Variants in WWOX observed in about 807,000 individuals in gnomAD.
WWOX encodes WW domain-containing oxidoreductase.
Under a neutral mutation model 46.2 loss-of-function variants are expected in WWOX, and 69 were observed. That is an observed-to-expected ratio of 1.49 (90% CI 1.23 to 1.82). The LOEUF (loss-of-function observed/expected upper bound fraction) is 1.82. WWOX is among the 40% of genes most tolerant of loss of function. The pLI is 0.00. For missense variants in WWOX, 919 were observed against 542.6 expected (o/e 1.69, Z -6.89); for synonymous variants, 359 against 202.6 (o/e 1.77, Z -6.56).
intron 8 of WWOX, among the ~76,000 whole-genome samples, chr16:79,137,591 G>C (rs1389346550): frequency 6.6e-6 from 1 of 152,096 alleles, no homozygotes; most frequent in East Asian, 1.9e-4. Flanking sequence ...TGTTTGTTTT[G>C]AACATGTTCA....
intron 8 of WWOX, among the ~76,000 whole-genome samples, chr16:78,720,249 T>G (rs1331275183): frequency 6.6e-6 from 1 of 151,428 alleles, no homozygotes; most frequent in African/African-American, 2.5e-5. Flanking sequence ...ACTTGAAGAT[T>G]ATGTGCGCGT....
chr16:78,265,358 G>T (rs2151841074), intron 5 of WWOX, among the ~76,000 whole-genome samples: 1 of 152,254 alleles, frequency 6.6e-6, no homozygotes, highest in East Asian at 1.9e-4. Context: ...GAATCATGAT[G>T]AAAAGTTGGG....
intron 8 of WWOX, chr16:78,526,145 G>C (rs922011020): frequency 1.3e-5 from 2 of 152,254 alleles, no homozygotes; most frequent in Non-Finnish European, 2.9e-5. Flanking sequence ...AAGAAAGTGA[G>C]ATCAGAGATC....
At chr16:78,963,208 C>T (rs989997619) in intron 8 of WWOX, among the ~76,000 whole-genome samples, 8 of 152,178 alleles carry the variant, frequency 5.3e-5, no homozygotes, top group Admixed American at 2.0e-4. Context: ...GTGGCTCACA[C>T]CTGTAATACC....
chr16:78,845,988 A>G (rs1285081459), intron 8 of WWOX, among the ~76,000 whole-genome samples: 1 of 152,156 alleles, frequency 6.6e-6, no homozygotes, highest in East Asian at 1.9e-4. Flanking sequence ...TCCAGTCTGA[A>G]CCAATTCTAA....
At chr16:79,022,984 T>A (rs925524505) in intron 8 of WWOX, among the ~76,000 whole-genome samples, 1 of 152,042 alleles carries the variant, frequency 6.6e-6, no homozygotes, top group Non-Finnish European at 1.5e-5. Context: ...AATAAGATAA[T>A]GTAAATAGAG....
At chr16:78,430,319 T>C (rs2083185262) in intron 7 of WWOX, among the ~76,000 whole-genome samples, 1 of 152,086 alleles carries the variant, frequency 6.6e-6, no homozygotes, top group African/African-American at 2.4e-5. Flanking sequence ...CAGTGTGAGA[T>C]TTGGGTGGGG....
chr16:78,792,518 C>T (rs1038958706), intron 8 of WWOX, among the ~76,000 whole-genome samples: 4 of 152,140 alleles, frequency 2.6e-5, no homozygotes, highest in Non-Finnish European at 5.9e-5. Flanking sequence ...GTCTGCACGG[C>T]AGAGGGCATG....
At chr16:78,980,475 T>C (rs1205904091) in intron 8 of WWOX, among the ~76,000 whole-genome samples, 1 of 152,256 alleles carries the variant, frequency 6.6e-6, no homozygotes, top group Non-Finnish European at 1.5e-5. Context: ...TCACAATTAA[T>C]TGTGCCGCAG....
intron 8 of WWOX, among the ~76,000 whole-genome samples, chr16:78,548,295 T>C (rs1156936783): frequency 6.6e-6 from 1 of 152,064 alleles, no homozygotes; most frequent in Non-Finnish European, 1.5e-5. Context: ...TTGGATCCCA[T>C]TAATTGCATT....
intron 8 of WWOX, among the ~76,000 whole-genome samples, chr16:78,858,101 G>T (rs1444461024): frequency 1.3e-5 from 2 of 151,590 alleles, no homozygotes; most frequent in Non-Finnish European, 2.9e-5. Context: ...AAGGAAAAAT[G>T]AAAGAAATTA....
At chr16:78,108,363 G>T (rs1438054399) in intron 1 of WWOX, 60 bp from the exon 2 acceptor site, 4 of 1,533,006 alleles carry the variant, frequency 2.6e-6, no homozygotes, top group Non-Finnish European at 3.6e-6. Flanking sequence ...TAATACAATT[G>T]ATTACTTTTT....
intron 8 of WWOX, among the ~76,000 whole-genome samples, chr16:78,623,142 C>A (rs1025003828): frequency 1.3e-5 from 2 of 151,794 alleles, no homozygotes; most frequent in Non-Finnish European, 2.9e-5. Context: ...ATGGTAAGAC[C>A]CTGGATGGAG....
rs74029963 is a variant in WWOX at position 78,751,259 on chromosome 16, T to C, written c.1056+318507T>C. 7.1e-3 allele frequency among the ~76,000 whole-genome samples: 1,072 copies of C among 151,812 alleles called. 9 individuals carry two copies. The highest frequency in any genetic ancestry group is 0.024 in the African/African-American group (1,010 of 41,440). ...GTTAGAAGAAGATATGAGATAAATA[T>C]ACCTGGAAACTTTATGAATTATTTC... On this transcript the variant is annotated intron_variant, in intron 8 of 8. Coordinates refer to ENST00000566780, the MANE Select transcript of WWOX (RefSeq NM_016373.4).
intron 5 of WWOX, among the ~76,000 whole-genome samples, chr16:78,370,958 C>T (rs964495316): frequency 1.4e-5 from 2 of 145,734 alleles, no homozygotes; most frequent in South Asian, 2.2e-4. Context: ...GGTCAGGTTG[C>T]TCTGAGACTG....
intron 8 of WWOX, among the ~76,000 whole-genome samples, chr16:79,007,319 T>C (rs1447412854): frequency 6.6e-6 from 1 of 152,128 alleles, no homozygotes. Flanking sequence ...TGAGAAACTC[T>C]AAAACATGAG....
intron 8 of WWOX, among the ~76,000 whole-genome samples, chr16:78,643,513 C>T (rs932089369): frequency 6.6e-6 from 1 of 152,148 alleles, no homozygotes; most frequent in Admixed American, 6.5e-5. Context: ...AGCTTTAAAC[C>T]TGTGACCTCA....
At chr16:79,172,303 T>C (rs369048235) in intron 8 of WWOX, among the ~76,000 whole-genome samples, 1 of 152,330 alleles carries the variant, frequency 6.6e-6, no homozygotes, top group Admixed American at 6.5e-5. Context: ...ATGTATTAAA[T>C]GCAGCTGCTT....
intron 5 of WWOX, among the ~76,000 whole-genome samples, chr16:78,235,488 G>C (rs1261057975): frequency 1.3e-5 from 2 of 152,162 alleles, no homozygotes; most frequent in African/African-American, 2.4e-5. Flanking sequence ...CCCTAAGCAT[G>C]GAAAAGCCTC....
Sources: gnomAD v4.1 joint callset for allele counts (sites outside exome capture counted in the v4.1 genomes callset) on GRCh38, gnomAD v4.1.1 for gene constraint, MANE v1.5 for transcripts, NCBI Gene and HGNC (gene_info 2026-07-23, HGNC 2026-07-21) for gene names.